PEX7: variants seen among roughly 807,000 people sequenced by gnomAD.
The protein encoded by PEX7 is peroxisomal biogenesis factor 7.
Under a neutral mutation model 47.5 loss-of-function variants are expected in PEX7, and 34 were observed. That is an observed-to-expected ratio of 0.72 (90% CI 0.54 to 0.95). The LOEUF (loss-of-function observed/expected upper bound fraction) is 0.95. Ranked by LOEUF, PEX7 falls within the 40% of genes least tolerant of loss-of-function variation. The pLI is 0.00. For synonymous variants in PEX7, 141 were observed against 148.8 expected, an observed-to-expected ratio of 0.95 and a Z score of 0.38; for missense variants, 394 against 400.3, an observed-to-expected ratio of 0.98 and a Z score of 0.13.
intron 5 of PEX7, among the ~76,000 whole-genome samples, chr6:136,851,980 T>G (rs1774765845): frequency 1.1e-5 from 1 of 93,906 alleles, no homozygotes; most frequent in African/African-American, 5.2e-5. Flanking sequence ...TAGTTTCTTT[T>G]GCTGTGCAGA....
At chr6:136,878,830 C>T (rs1775324478) in intron 8 of PEX7, among the ~76,000 whole-genome samples, 1 of 151,484 alleles carries the variant, frequency 6.6e-6, no homozygotes, top group African/African-American at 2.4e-5. Flanking sequence ...ATTTTATTTG[C>T]TATGTTTCTG....
At chr6:136,825,091 C>G (rs1774163052) in intron 1 of PEX7, 123 bp from the exon 2 acceptor site, 3 of 794,604 alleles carry the variant, frequency 3.8e-6, no homozygotes, top group African/African-American at 3.4e-5. Flanking sequence ...TATTCAAGGT[C>G]CCAAATACTT....
intron 1 of PEX7, chr6:136,823,348 AGT>A (rs1296660156): frequency 1.0e-6 from 1 of 985,300 alleles, no homozygotes; most frequent in East Asian, 1.1e-4. Flanking sequence ...TCTTACCTGT[AGT>A]TGTCTAACGA....
chr6:136,872,215 T>G lies in PEX7; in HGVS notation c.765T>G (p.Ala255=). The G allele has an allele frequency of 6.2e-7, 1 of 1,610,132 alleles. No individual in the cohort carries two copies. The highest frequency in any genetic ancestry group is 8.5e-7 in the Non-Finnish European group (1 of 1,179,400). The part of the protein sequence containing the change: ...IRRVKFSPFH[A]SVLASCSYDF... ...TTTTGTAGTTTTCACCATTTCATGCTTCTGTGCTGGCCTCTTGCTCGTATG... is the reference window on the plus strand; with the variant it reads ...TTTTGTAGTTTTCACCATTTCATGCGTCTGTGCTGGCCTCTTGCTCGTATG... The change falls in exon 8 of 10, where the codon GCT becomes GCG. Residue 255 remains alanine, a synonymous_variant. Coordinates refer to ENST00000318471, the MANE Select transcript of PEX7 (RefSeq NM_000288.4).
At chr6:136,853,284 C>T (rs7739673) in intron 5 of PEX7, among the ~76,000 whole-genome samples, 97,157 of 152,034 alleles carry the variant, frequency 0.64, 31,180 homozygotes, top group African/African-American at 0.69. Context: ...TGACAGAAAA[C>T]GTTTGCTGAC....
At chr6:136,895,675 G>A (rs1202252963) in intron 8 of PEX7, among the ~76,000 whole-genome samples, 1 of 152,118 alleles carries the variant, frequency 6.6e-6, no homozygotes, top group Non-Finnish European at 1.5e-5. Context: ...TAGAAACCAG[G>A]TCAGCCATTC....
Position 136,913,729 on chromosome 6 carries a change from A to AAAT in PEX7, c.*204_*206dup. On this transcript the variant is annotated 3_prime_UTR_variant, in exon 10 of 10. Coordinates refer to ENST00000318471, the MANE Select transcript of PEX7 (RefSeq NM_000288.4). ...AAGCCTGATACATAAGCCATATTTA[A>AAAT]AATTCTAAGAAATAATTAATGTTAT... The AAAT allele has an allele frequency of 1.8e-6, 1 of 569,820 alleles. No individual in the cohort carries two copies. The allele number at this position is 569,820 out of a possible 1,614,324, so 35.3% of individuals were successfully genotyped here.
chr6:136,879,151 CATATG>C (rs1196852849), intron 8 of PEX7, among the ~76,000 whole-genome samples: 21 of 151,388 alleles, frequency 1.4e-4, no homozygotes, highest in Non-Finnish European at 1.0e-4. Flanking sequence ...TAGCACATAT[CATATG>C]ATATATTTTT....
At chr6:136,875,900 C>G (rs921034457) in intron 8 of PEX7, among the ~76,000 whole-genome samples, 1 of 152,154 alleles carries the variant, frequency 6.6e-6, no homozygotes, top group African/African-American at 2.4e-5. Flanking sequence ...CCTTCTTTGT[C>G]ACAGTTAATG....
intron 6 of PEX7, among the ~76,000 whole-genome samples, chr6:136,867,803 AAC>A (rs1775101275): frequency 6.6e-6 from 1 of 150,844 alleles, no homozygotes; most frequent in Non-Finnish European, 1.5e-5. Flanking sequence ...AACAACAAAA[AAC>A]TTTAAAAAAA....
intron 3 of PEX7, among the ~76,000 whole-genome samples, chr6:136,827,688 G>C (rs1774220734): frequency 6.6e-6 from 1 of 151,908 alleles, no homozygotes; most frequent in African/African-American, 2.4e-5. Context: ...GTGCGCCACC[G>C]TGCCCTGCTA....
intron 6 of PEX7, among the ~76,000 whole-genome samples, chr6:136,867,796 AAC>A (rs1267172432): frequency 7.3e-5 from 11 of 150,966 alleles, no homozygotes; most frequent in East Asian, 5.8e-4. Context: ...CAACAACAAC[AAC>A]AAAAAACTTT....
intron 5 of PEX7, 89 bp from the exon 6 acceptor site, chr6:136,866,538 T>G: frequency 1.8e-6 from 2 of 1,087,924 alleles, no homozygotes; most frequent in Non-Finnish European, 2.8e-6. Flanking sequence ...AAGCAGTGTA[T>G]TTTTACTTGA....
chr6:136,840,954 C>T (rs1332736491), intron 3 of PEX7, among the ~76,000 whole-genome samples: 1 of 152,154 alleles, frequency 6.6e-6, no homozygotes, highest in Non-Finnish European at 1.5e-5. Flanking sequence ...TTTCTGTTCT[C>T]CTTACTCTGC....
chr6:136,858,377 C>T (rs958738516), intron 5 of PEX7, among the ~76,000 whole-genome samples: 3 of 152,162 alleles, frequency 2.0e-5, no homozygotes, highest in African/African-American at 7.2e-5. Flanking sequence ...TAGTGCTTAT[C>T]TAAGAGCTAA....
intron 5 of PEX7, among the ~76,000 whole-genome samples, chr6:136,850,970 T>C (rs1374710145): frequency 1.2e-4 from 15 of 125,890 alleles, no homozygotes; most frequent in Admixed American, 5.7e-4. Context: ...TTCTGCTGTC[T>C]TTTTTTTTTA....
At chr6:136,869,069 C>T (rs1775125485) in intron 6 of PEX7, among the ~76,000 whole-genome samples, 1 of 151,902 alleles carries the variant, frequency 6.6e-6, no homozygotes, top group Non-Finnish European at 1.5e-5. Flanking sequence ...CCTGGAAAAA[C>T]CTCAGAGTAT....
Position 136,825,249 on chromosome 6 carries a change from G to A in PEX7, c.166G>A (p.Ala56Thr), listed in dbSNP as rs757833805. 2 of 1,613,776 alleles carry A rather than the reference G, an allele frequency of 1.2e-6. No individual in the cohort carries two copies. The highest frequency in any genetic ancestry group is 2.2e-5 in the South Asian group (2 of 91,074). The change falls in exon 2 of 10, where the codon GCT becomes ACT. Residue 56 changes from alanine (A) to threonine (T), a missense_variant. Physicochemically the swap from Ala to Thr is moderately conservative, Grantham distance 58. Coordinates refer to ENST00000318471, the MANE Select transcript of PEX7 (RefSeq NM_000288.4). ...CCTACTAATATTGGATCCAGATGAA[G>A]CTGGGCTAAGGCTTTTTAGAAGGTA... Reference protein sequence around the residue: ...GTLLILDPDEAGLRLFRSFDW... With the variant: ...GTLLILDPDETGLRLFRSFDW...
At chr6:136,837,255 G>A (rs1297467422) in intron 3 of PEX7, among the ~76,000 whole-genome samples, 5 of 150,616 alleles carry the variant, frequency 3.3e-5, no homozygotes, top group African/African-American at 7.3e-5. Context: ...TCAGCTGCTC[G>A]GGAGGCTGAG....
Sources: gnomAD v4.1 joint callset for allele counts (sites outside exome capture counted in the v4.1 genomes callset) on GRCh38, gnomAD v4.1.1 for gene constraint, MANE v1.5 for transcripts, NCBI Gene and HGNC (gene_info 2026-07-23, HGNC 2026-07-21) for gene names.